Variants in GK5 observed in about 807,000 individuals in gnomAD.
GK5 encodes the protein ATP:glycerol 3-phosphotransferase 5.
Under a neutral mutation model 77.3 loss-of-function variants are expected in GK5, and 39 were observed. The observed-to-expected ratio is 0.50, with a 90% CI of 0.39 to 0.66. The LOEUF is 0.66. GK5 is among the 30% of genes least tolerant of loss of function. GK5 has a pLI of 0.00. For synonymous variants in GK5, 211 were observed against 208.0 expected, an observed-to-expected ratio of 1.01 and a Z score of -0.13; for missense variants, 487 against 633.8, an observed-to-expected ratio of 0.77 and a Z score of 2.49.
chr3:142,174,157 A>G (rs554272517), intron 12 of GK5, among the ~76,000 whole-genome samples: 2 of 152,278 alleles, frequency 1.3e-5, no homozygotes, highest in Non-Finnish European at 2.9e-5. Flanking sequence ...ATGTACTCCC[A>G]GTGTGTCTCT....
intron 4 of GK5, among the ~76,000 whole-genome samples, chr3:142,203,963 G>A (rs569143606): frequency 1.3e-5 from 2 of 152,120 alleles, no homozygotes; most frequent in Non-Finnish European, 2.9e-5. Flanking sequence ...TGTTGCTATT[G>A]TCACTGTCAC....
At chr3:142,173,694 CA>C (rs1431852922) in intron 12 of GK5, among the ~76,000 whole-genome samples, 1 of 151,648 alleles carries the variant, frequency 6.6e-6, no homozygotes, top group Non-Finnish European at 1.5e-5. Flanking sequence ...AAAACAAAAA[CA>C]AAAACAAAAA....
intron 11 of GK5, 136 bp downstream of exon 11, chr3:142,181,325 A>G: frequency 1.2e-5 from 6 of 511,778 alleles, no homozygotes; most frequent in Non-Finnish European, 1.7e-5. Flanking sequence ...AATACTTTAT[A>G]TTTTCTTTTA....
intron 10 of GK5, 38 bp downstream of exon 10, chr3:142,182,885 T>C: frequency 2.0e-6 from 3 of 1,469,436 alleles, no homozygotes; most frequent in South Asian, 1.2e-5. Flanking sequence ...ACAGAAGTGA[T>C]ATTTTATTAA....
At chr3:142,201,338 A>C (rs2064018340) in intron 4 of GK5, among the ~76,000 whole-genome samples, 1 of 152,262 alleles carries the variant, frequency 6.6e-6, no homozygotes, top group African/African-American at 2.4e-5. Flanking sequence ...ACTTGAATGA[A>C]TCTCCAGGGA....
chr3:142,209,415 C>T (rs1256217416), intron 3 of GK5, among the ~76,000 whole-genome samples: 1 of 152,118 alleles, frequency 6.6e-6, no homozygotes, highest in African/African-American at 2.4e-5. Context: ...AAAGTGGCAT[C>T]ATTAATTTAT....
rs1275386632 is a variant in GK5 at position 142,213,563 on chromosome 3, T to A, written c.280A>T (p.Ile94Phe). The A allele has an allele frequency of 6.2e-7, 1 of 1,612,626 alleles. No homozygotes were observed. Among genetic ancestry groups the A allele is most frequent in the African/African-American group, 1.3e-5 (1 of 74,888 alleles). The change falls in exon 3 of 16, where the codon ATT (isoleucine) becomes TTT (phenylalanine). Residue 94 changes from isoleucine to phenylalanine, a missense_variant. Coordinates refer to ENST00000392993, the MANE Select transcript of GK5 (RefSeq NM_001039547.3). ...IQMNQIVGLG[I>F]STQRATFITW... ...ATAAAAGTTGCTCTCTGTGTTGAAA[T>A]GCCAAGACCAACAATTTGATTCATC...
intron 1 of GK5, among the ~76,000 whole-genome samples, chr3:142,216,216 C>G (rs1323363119): frequency 1.3e-5 from 2 of 152,000 alleles, no homozygotes; most frequent in Non-Finnish European, 2.9e-5. Flanking sequence ...TCTGAAATCC[C>G]CTGGCTTAGA....
At chr3:142,221,900 G>A (rs1435781586) in intron 1 of GK5, among the ~76,000 whole-genome samples, 2 of 152,086 alleles carry the variant, frequency 1.3e-5, no homozygotes, top group African/African-American at 2.4e-5. Context: ...TAAGATTGAC[G>A]TCTTCTCACA....
At chr3:142,177,088 A>G (rs115565992) in intron 12 of GK5, among the ~76,000 whole-genome samples, 1,808 of 152,344 alleles carry the variant, frequency 0.012, 14 homozygotes, top group South Asian at 0.038. Context: ...TTAATTCTCA[A>G]TGGCTTATTT....
rs5020037 is a variant in GK5 at position 142,159,908 on chromosome 3, C to A, written c.*5714G>T. 0.12 allele frequency: 18,216 copies of A among 149,238 alleles called. 1,380 individuals are homozygous for A. The highest frequency in any genetic ancestry group is 0.21 in the African/African-American group (8,471 of 40,090). The allele number at this position is 149,238 out of a possible 1,614,324, so 9.2% of individuals were successfully genotyped here. On this transcript the variant is annotated 3_prime_UTR_variant, in exon 16 of 16. Coordinates refer to ENST00000392993, the MANE Select transcript of GK5 (RefSeq NM_001039547.3). ...TCTCACCCAGGCTGGAATGCAGTGG[C>A]CCAATCTCGGCTCACTGCAACCTCC...
At chr3:142,174,657 C>T (rs2063583387) in intron 12 of GK5, among the ~76,000 whole-genome samples, 2 of 152,168 alleles carry the variant, frequency 1.3e-5, no homozygotes, top group Admixed American at 6.5e-5. Context: ...CTGGCTTCAT[C>T]CCCTTCTAAG....
chr3:142,178,878 G>T (rs987144891), intron 11 of GK5, among the ~76,000 whole-genome samples: 14 of 152,142 alleles, frequency 9.2e-5, no homozygotes, highest in Admixed American at 6.5e-5. Context: ...CCAATTTAAG[G>T]CTCCTGCCAG....
In GK5 at chr3:142,198,906, G is replaced by T; in HGVS notation, c.439C>A (p.His147Asn). Residue 147 changes from histidine to asparagine, a missense_variant, in exon 5 of 16, where the codon CAC becomes AAC. This residue lies in a region of GK5 where 323 missense variants were observed against 437.4 expected (regional missense o/e 0.74). Transcript: ENST00000392993. The stretch of plus-strand genomic sequence containing the variant: ...AGTCGTTTACTTCTAGTGAAAAAGT[G>T]AAGCACTCGGCAAGAACTGTGAAAT... ...KIFHSSCRVL[H>N]FFTRSKRLFT... 1 of 1,612,528 alleles carries T rather than the reference G, an allele frequency of 6.2e-7. No individual in the cohort carries two copies. The highest frequency in any genetic ancestry group is 1.1e-5 in the South Asian group (1 of 90,958).
rs925154683 is a variant in GK5, at chr3:142,220,285, G to A, written c.148-4593C>T. On this transcript the variant is annotated intron_variant, in intron 1 of 15. Transcript: ENST00000392993. ...TGAATAGCTGGGACTACAGGCACCC[G>A]CCACCACGCCTGGCTAATTTTTTGT... Among the ~76,000 whole-genome samples, 6 of 152,056 alleles carry A rather than the reference G, an allele frequency of 3.9e-5. No homozygotes were observed. The East Asian group carries it at 9.6e-4, about 24-fold the overall frequency.
intron 3 of GK5, among the ~76,000 whole-genome samples, chr3:142,205,739 A>T (rs1560231562): frequency 1.3e-5 from 2 of 152,168 alleles, no homozygotes. Flanking sequence ...ACTGTAAAAA[A>T]AAATTGTGGC....
intron 2 of GK5, among the ~76,000 whole-genome samples, chr3:142,213,897 A>G (rs1197636797): frequency 3.3e-5 from 5 of 152,192 alleles, no homozygotes; most frequent in Non-Finnish European, 7.3e-5. Context: ...ATCTTGGCTC[A>G]CTGCAATCTC....
rs2064223987 is a variant in GK5, at chr3:142,213,413, A to T, written c.317+113T>A. 4.0e-6 allele frequency: 3 copies of T among 740,768 alleles called. No individual in the cohort carries two copies. In the African/African-American group the frequency reaches 5.2e-5, roughly 13 times the overall value. 45.9% of individuals were successfully genotyped at this position (740,768 alleles called of 1,614,324 possible). ...CAGGCACATTTCATCCCTCTTAACC[A>T]AACGAAACTATTCTCAATTCAGAAA... On this transcript the variant is annotated intron_variant, in intron 3 of 15. Coordinates refer to ENST00000392993, the MANE Select transcript of GK5 (RefSeq NM_001039547.3).
intron 1 of GK5, among the ~76,000 whole-genome samples, chr3:142,221,135 A>C (rs576931290): frequency 1.3e-5 from 2 of 152,374 alleles, no homozygotes; most frequent in South Asian, 4.1e-4. Context: ...AGGAACTCTG[A>C]GGATACAGTG....
Sources: gnomAD v4.1 joint callset for allele counts (sites outside exome capture counted in the v4.1 genomes callset) on GRCh38, gnomAD v4.1.1 for gene constraint, gnomAD v4.1.1 regional missense constraint, MANE v1.5 for transcripts, NCBI Gene and HGNC (gene_info 2026-07-23, HGNC 2026-07-21) for gene names.